The following CLOCK variants were observed in gnomAD, a reference collection of about 807,000 sequenced individuals.
CLOCK encodes the protein clock circadian regulator, also known as circadian locomoter output cycles protein kaput.
A neutral mutation model predicts 118.4 loss-of-function variants in CLOCK; 43 were observed. That is an observed-to-expected ratio of 0.36 (90% CI 0.28 to 0.47). CLOCK has a LOEUF of 0.47. Ranked by LOEUF, CLOCK falls within the 20% of genes least tolerant of loss-of-function variation. The pLI is 1.00. For missense variants in CLOCK, 846 were observed against 999.9 expected, an observed-to-expected ratio of 0.85 and a Z score of 2.08; for synonymous variants, 326 against 339.2, an observed-to-expected ratio of 0.96 and a Z score of 0.43.
intron 8 of CLOCK, among the ~76,000 whole-genome samples, chr4:55,466,502 A>C (rs2109836171): frequency 6.6e-6 from 1 of 152,320 alleles, no homozygotes; most frequent in South Asian, 2.1e-4. Flanking sequence ...TTCATTTTTG[A>C]GAATGATTAT....
At chr4:55,450,364 A>G (rs1039562811) in intron 15 of CLOCK, 132 bp from the exon 16 acceptor site, 3 of 953,476 alleles carry the variant, frequency 3.1e-6, no homozygotes, top group Non-Finnish European at 4.9e-6. Flanking sequence ...ATGTACATAC[A>G]CATGTAAAGA....
At chr4:55,542,627 G>A (rs1731356385) in intron 1 of CLOCK, among the ~76,000 whole-genome samples, 1 of 151,960 alleles carries the variant, frequency 6.6e-6, no homozygotes. Context: ...GGATGGAGGA[G>A]AGGGTAGTGC....
rs772356634 is a variant in CLOCK, at chr4:55,448,778, C to T, written c.1539+1G>A. 2 of 1,612,786 alleles carry T rather than the reference C, an allele frequency of 1.2e-6. No individual in the cohort carries two copies. The highest frequency in any genetic ancestry group is 2.2e-5 in the East Asian group (1 of 44,796). On this transcript the variant is annotated splice_donor_variant, in intron 18 of 22. Coordinates refer to ENST00000513440, the MANE Select transcript of CLOCK (RefSeq NM_004898.4). LOFTEE classifies it high-confidence loss of function. Reference sequence around the variant, plus strand: ...CAACTGAAACAAAAACCAAAAAGTACCTGGGACATGCCTTGTGGAATTGGT... The same window carrying T: ...CAACTGAAACAAAAACCAAAAAGTATCTGGGACATGCCTTGTGGAATTGGT...
At chr4:55,544,165 G>GACACACACAC (rs35842826) in intron 1 of CLOCK, among the ~76,000 whole-genome samples, 42 of 148,210 alleles carry the variant, frequency 2.8e-4, no homozygotes, top group African/African-American at 1.0e-3. Context: ...GAAACAACCA[G>GACACACACAC]ACACACACAC....
intron 7 of CLOCK, among the ~76,000 whole-genome samples, chr4:55,474,970 T>G (rs1726402457): frequency 6.6e-6 from 1 of 152,236 alleles, no homozygotes; most frequent in Non-Finnish European, 1.5e-5. Context: ...AGGAATAATT[T>G]TGACTTTCAA....
chr4:55,505,301 G>A (rs1011939298), intron 2 of CLOCK, among the ~76,000 whole-genome samples: 5 of 151,928 alleles, frequency 3.3e-5, no homozygotes, highest in African/African-American at 7.3e-5. Flanking sequence ...AAAAAAAGGG[G>A]ACTATATTTT....
chr4:55,532,872 G>C (rs1730643784), intron 1 of CLOCK, among the ~76,000 whole-genome samples: 1 of 151,916 alleles, frequency 6.6e-6, no homozygotes, highest in African/African-American at 2.4e-5. Flanking sequence ...TCGGGTCGGG[G>C]GGGTAGTGTG....
At chr4:55,477,525 G>C (rs1014187143) in intron 6 of CLOCK, among the ~76,000 whole-genome samples, 1 of 152,058 alleles carries the variant, frequency 6.6e-6, no homozygotes, top group Admixed American at 6.6e-5. Context: ...TGACTAAAAG[G>C]ATGGTGGTAT....
In CLOCK at chr4:55,435,588, T is replaced by C. The variant is rs1436224617; in HGVS notation, c.2368A>G (p.Arg790Gly). The C allele has an allele frequency of 6.2e-7, 1 of 1,613,822 alleles. No homozygotes were observed. The highest frequency in any genetic ancestry group is 1.7e-5 in the Admixed American group (1 of 59,970). Residue 790 changes from arginine (R) to glycine (G), a missense_variant, in exon 23 of 23, where the codon AGG becomes GGG. Physicochemically the swap from Arg to Gly is moderately radical, Grantham distance 125. This residue lies in a region of CLOCK where 520 missense variants were observed against 558.0 expected (regional missense o/e 0.93). Coordinates refer to ENST00000513440, the MANE Select transcript of CLOCK (RefSeq NM_004898.4). Reference sequence around the variant, plus strand: ...GTTGAGGGATTCCCATGGAGCAACCTAGAAGTCTAAAAAACAAATGGATTA... The same window carrying C: ...GTTGAGGGATTCCCATGGAGCAACCCAGAAGTCTAAAAAACAAATGGATTA... Reference protein sequence around the residue: ...QPPQQFLQTSRLLHGNPSTQL... With the variant: ...QPPQQFLQTSGLLHGNPSTQL...
chr4:55,432,293 C>G lies in CLOCK; in HGVS notation c.*3122G>C, dbSNP rs1055382135. 4 of 152,074 alleles carry G rather than the reference C, an allele frequency of 2.6e-5. No individual in the cohort carries two copies. Among genetic ancestry groups the G allele is most frequent in the African/African-American group, 9.7e-5 (4 of 41,410 alleles). The allele number at this position is 152,074 out of a possible 1,614,324, so 9.4% of individuals were successfully genotyped here. On this transcript the variant is annotated 3_prime_UTR_variant, in exon 23 of 23. Coordinates refer to ENST00000513440, the MANE Select transcript of CLOCK (RefSeq NM_004898.4). ...CTAAGGAGCAACTTTATTAACCCTT[C>G]TAGTTCTCACTTGCATTTGTTAAAC...
intron 16 of CLOCK, 38 bp from the exon 17 acceptor site, chr4:55,449,534 T>A: frequency 6.8e-7 from 1 of 1,477,260 alleles, no homozygotes; most frequent in Non-Finnish European, 9.5e-7. Flanking sequence ...TAGTACTTTA[T>A]AAAATATAGT....
intron 1 of CLOCK, among the ~76,000 whole-genome samples, chr4:55,528,720 C>T (rs111606114): frequency 2.0e-5 from 3 of 152,276 alleles, no homozygotes; most frequent in African/African-American, 7.2e-5. Flanking sequence ...AGAGATTCTA[C>T]GCTCCCCTCA....
At chr4:55,450,276 CAG>C (rs1320526492) in intron 15 of CLOCK, 44 bp from the exon 16 acceptor site, 1 of 1,611,476 alleles carries the variant, frequency 6.2e-7, no homozygotes, top group Non-Finnish European at 8.5e-7. Context: ...TGGTTCAGTT[CAG>C]AGATCTCAAA....
rs566772637 is a variant in CLOCK at position 55,507,877 on chromosome 4, C to CACAG, written c.-136+2031_-136+2034dup. Among the ~76,000 whole-genome samples the CACAG allele has an allele frequency of 1.5e-4, 23 of 152,226 alleles. No homozygotes were observed. In the East Asian group the frequency reaches 2.9e-3, roughly 19 times the overall value. On this transcript the variant is annotated intron_variant, in intron 2 of 22. Coordinates refer to ENST00000513440, the MANE Select transcript of CLOCK (RefSeq NM_004898.4). The stretch of plus-strand genomic sequence containing the variant: ...GAAATCCAGTGGTGAGCTAAAAAGG[C>CACAG]ACAGAACCCACTCTTAGGAAACTGG...
At chr4:55,458,845 A>G in intron 11 of CLOCK, 47 bp downstream of exon 11, 2 of 1,347,282 alleles carry the variant, frequency 1.5e-6, no homozygotes, top group Non-Finnish European at 2.1e-6. Context: ...GGCAGCTCTC[A>G]GCATATGAAC....
chr4:55,459,315 G>T, intron 9 of CLOCK, 54 bp from the exon 10 acceptor site: 1 of 995,110 alleles, frequency 1.0e-6, no homozygotes, highest in Non-Finnish European at 1.6e-6. Context: ...AACAATGATT[G>T]ATATACCACA....
At chr4:55,513,746 C>T (rs1729309487) in intron 1 of CLOCK, among the ~76,000 whole-genome samples, 1 of 152,060 alleles carries the variant, frequency 6.6e-6, no homozygotes, top group Admixed American at 6.5e-5. Flanking sequence ...GAAGAACTGA[C>T]ACCTTGTTAA....
intron 1 of CLOCK, among the ~76,000 whole-genome samples, chr4:55,535,481 AG>A (rs1182388450): frequency 6.6e-6 from 1 of 152,100 alleles, no homozygotes; most frequent in Non-Finnish European, 1.5e-5. Flanking sequence ...TCAAAGCAGG[AG>A]GATCACTTGA....
intron 3 of CLOCK, among the ~76,000 whole-genome samples, chr4:55,488,495 TC>T (rs1228639580): frequency 6.6e-6 from 1 of 152,192 alleles, no homozygotes; most frequent in Non-Finnish European, 1.5e-5. Flanking sequence ...CCCAGTTTTT[TC>T]CCCCAACCTG....
Sources: allele counts gnomAD v4.1 joint callset (sites outside exome capture counted in the v4.1 genomes callset), GRCh38; gene constraint gnomAD v4.1.1; regional missense constraint gnomAD v4.1.1; transcripts MANE v1.5; gene names NCBI Gene and HGNC (gene_info 2026-07-23, HGNC 2026-07-21).